Variants in AXIN1 observed in about 807,000 individuals in gnomAD.
AXIN1 encodes the protein axin-1.
Under a neutral mutation model 76.4 loss-of-function variants are expected in AXIN1, and 30 were observed. The observed-to-expected ratio is 0.39, with a 90% CI of 0.29 to 0.53. The LOEUF (loss-of-function observed/expected upper bound fraction) is 0.53. Ranked by LOEUF, AXIN1 falls within the 20% of genes least tolerant of loss-of-function variation. The probability of loss-of-function intolerance (pLI) is 0.66; values close to 1 mark genes in which losing one functional copy is unlikely to be tolerated. For missense variants in AXIN1, 1,140 were observed against 1,198.8 expected (o/e 0.95, Z 0.72); for synonymous variants, 545 against 501.4 (o/e 1.09, Z -1.16).
intron 2 of AXIN1, among the ~76,000 whole-genome samples, chr16:330,458 T>A (rs888888772): frequency 6.6e-6 from 1 of 152,248 alleles, no homozygotes; most frequent in Non-Finnish European, 1.5e-5. Context: ...TTGAAAATTA[T>A]AATGCACCAA....
chr16:299,270 T>C (rs2052802990), intron 5 of AXIN1: 6 of 983,788 alleles, frequency 6.1e-6, no homozygotes, highest in East Asian at 2.3e-4. Flanking sequence ...TCTCATCTTA[T>C]TGGACTGACA....
chr16:318,729 C>T (rs925087684), intron 2 of AXIN1, among the ~76,000 whole-genome samples: 1 of 152,218 alleles, frequency 6.6e-6, no homozygotes, highest in Non-Finnish European at 1.5e-5. Flanking sequence ...TCTGTGTGCG[C>T]GCCCGCATGC....
intron 2 of AXIN1, among the ~76,000 whole-genome samples, chr16:319,848 G>A (rs1029055066): frequency 6.6e-6 from 1 of 152,160 alleles, no homozygotes; most frequent in African/African-American, 2.4e-5. Context: ...TGTCTGGTCC[G>A]GTTACATTTA....
chr16:348,815 T>C (rs2054084407), intron 1 of AXIN1, among the ~76,000 whole-genome samples: 1 of 146,418 alleles, frequency 6.8e-6, no homozygotes, highest in African/African-American at 2.5e-5. Flanking sequence ...AAAAAAAAAA[T>C]AGGCCGGGCA....
Position 288,256 on chromosome 16 carries a change from A to G in AXIN1, c.2463-8T>C, listed in dbSNP as rs2141460585. 6.2e-7 allele frequency: 1 copy of G among 1,613,454 alleles called. No homozygotes were observed. ...ACTTTCTTGAAGTAGTATCTGCAGG[A>G]CGGAGGTGAGGAGGGCAGTGAGCAG... On this transcript the variant is annotated splice_region_variant and splice_polypyrimidine_tract_variant and intron_variant, in intron 10 of 10. Transcript: ENST00000262320.
intron 7 of AXIN1, among the ~76,000 whole-genome samples, chr16:296,603 G>A (rs963323118): frequency 7.2e-5 from 11 of 152,244 alleles, no homozygotes; most frequent in African/African-American, 2.7e-4. Context: ...CCTTCTGGGA[G>A]GAGAGAAGTG....
At chr16:339,702 A>C (rs1433269048) in intron 2 of AXIN1, among the ~76,000 whole-genome samples, 1 of 151,844 alleles carries the variant, frequency 6.6e-6, no homozygotes, top group Non-Finnish European at 1.5e-5. Context: ...AATTCTCTTC[A>C]GATCTGCTCA....
chr16:296,907 G>A (rs980207754), intron 7 of AXIN1, 149 bp downstream of exon 7: 21 of 957,264 alleles, frequency 2.2e-5, no homozygotes, highest in Non-Finnish European at 3.1e-5. Context: ...GCTGGAGGGT[G>A]CCCGGGAGGG....
At position 299,986 on chromosome 16, in the gene AXIN1, G is replaced by A. The variant is rs147435045; in HGVS notation, c.1255-1735C>T. Among the ~76,000 whole-genome samples, 47 of 149,050 alleles carry A rather than the reference G, an allele frequency of 3.2e-4. No homozygotes were observed. The East Asian group carries it at 8.8e-3, about 28-fold the overall frequency. On this transcript the variant is annotated intron_variant, in intron 5 of 10. Coordinates refer to ENST00000262320, the MANE Select transcript of AXIN1 (RefSeq NM_003502.4). The stretch of plus-strand genomic sequence containing the variant: ...TATTTATTTAATTTTTTTTTGAGAC[G>A]GAGTTTCACTCTTGTGTCCCAGGCT...
intron 4 of AXIN1, among the ~76,000 whole-genome samples, chr16:304,996 G>A (rs993685061): frequency 6.6e-6 from 1 of 152,182 alleles, no homozygotes; most frequent in South Asian, 2.1e-4. Flanking sequence ...ACCAGATCAA[G>A]AGGCCTGAGC....
chr16:315,996 T>C (rs900438657), intron 2 of AXIN1, among the ~76,000 whole-genome samples: 1 of 152,124 alleles, frequency 6.6e-6, no homozygotes, highest in Non-Finnish European at 1.5e-5. Flanking sequence ...GAGATTGCAG[T>C]AAGCTGAGAT....
At chr16:314,959 G>A (rs2053267332) in intron 2 of AXIN1, among the ~76,000 whole-genome samples, 1 of 152,190 alleles carries the variant, frequency 6.6e-6, no homozygotes, top group African/African-American at 2.4e-5. Context: ...ATCCACACGT[G>A]ATCATTTGGG....
At chr16:299,438 C>T (rs1273690978) in intron 5 of AXIN1, among the ~76,000 whole-genome samples, 1 of 151,912 alleles carries the variant, frequency 6.6e-6, no homozygotes, top group East Asian at 1.9e-4. Flanking sequence ...CTGCAACCTC[C>T]ACCTCCCGGG....
chr16:306,278 TAAA>T (rs907618730), intron 4 of AXIN1, among the ~76,000 whole-genome samples: 1 of 152,102 alleles, frequency 6.6e-6, no homozygotes, highest in African/African-American at 2.4e-5. Flanking sequence ...TATGGATGGT[TAAA>T]AAAACTGACC....
At chr16:298,882 C>T (rs1178447789) in intron 5 of AXIN1, among the ~76,000 whole-genome samples, 2 of 152,184 alleles carry the variant, frequency 1.3e-5, no homozygotes, top group African/African-American at 4.8e-5. Flanking sequence ...GATTCTCCTC[C>T]TTCAGCCTCC....
chr16:335,648 C>T (rs1040242781), intron 2 of AXIN1, among the ~76,000 whole-genome samples: 24 of 151,952 alleles, frequency 1.6e-4, no homozygotes, highest in Admixed American at 1.4e-3. Context: ...AGTACCACTG[C>T]GCCCAGTTAC....
At chr16:326,394 T>TATATATATATCTATACACAC (rs144093618) in intron 2 of AXIN1, among the ~76,000 whole-genome samples, 1 of 119,660 alleles carries the variant, frequency 8.4e-6, no homozygotes, top group African/African-American at 3.5e-5. Context: ...TATATATATA[T>TATATATATATCTATACACAC]ACACACCTAT....
rs147689685 is a variant in AXIN1, at chr16:309,191, G to A, written c.1116+782C>T. 3.8e-4 allele frequency among the ~76,000 whole-genome samples: 58 copies of A among 152,146 alleles called. No homozygotes were observed. The East Asian group carries it at 0.01, about 27-fold the overall frequency. On this transcript the variant is annotated intron_variant, in intron 4 of 10. Coordinates refer to ENST00000262320, the MANE Select transcript of AXIN1 (RefSeq NM_003502.4). The stretch of plus-strand genomic sequence containing the variant: ...TAAAAATACAAAAAATTAGCCGGGC[G>A]TGGTGGCAGGCGCCTGTACTCCCAG...
At chr16:348,714 G>C (rs1306160566) in intron 1 of AXIN1, among the ~76,000 whole-genome samples, 1 of 152,058 alleles carries the variant, frequency 6.6e-6, no homozygotes, top group Non-Finnish European at 1.5e-5. Context: ...GAGGCAAGAG[G>C]ATCACTTGAC....
Sources: gnomAD v4.1 joint callset for allele counts (sites outside exome capture counted in the v4.1 genomes callset) on GRCh38, gnomAD v4.1.1 for gene constraint, MANE v1.5 for transcripts, NCBI Gene and HGNC (gene_info 2026-07-23, HGNC 2026-07-21) for gene names.